Variants in ADGRD1 observed in about 807,000 individuals in gnomAD.
ADGRD1 encodes adhesion G protein-coupled receptor D1.
In ADGRD1, 77 loss-of-function variants were observed where a neutral mutation model predicts 113.4. That is an observed-to-expected ratio of 0.68 (90% CI 0.57 to 0.82). The LOEUF (loss-of-function observed/expected upper bound fraction) is 0.82, where lower values mean the gene tolerates loss of function less well. ADGRD1 is among the 40% of genes least tolerant of loss of function. ADGRD1 has a pLI of 0.00. For missense variants in ADGRD1, 1,036 were observed against 1,139.1 expected (o/e 0.91, Z 1.30); for synonymous variants, 474 against 475.0 (o/e 1.00, Z 0.03).
At position 131,003,867 on chromosome 12, in the gene ADGRD1, A is replaced by C. The variant is rs373510532; in HGVS notation, c.1145-319A>C. ...CTGCGCTTGGGGAGGAGCCGATGTC[A>C]CCGCATCGCTGAGCACAGCCCATCC... On this transcript the variant is annotated intron_variant, in intron 10 of 24. Coordinates refer to ENST00000261654, the MANE Select transcript of ADGRD1 (RefSeq NM_198827.5). This position sits in a 1 kb window ranked among gnomAD's most constrained non-coding sequence, Gnocchi z 4.8. Among the ~76,000 whole-genome samples the C allele has an allele frequency of 1.3e-5, 2 of 152,070 alleles. No homozygotes were observed. Among genetic ancestry groups the C allele is most frequent in the Admixed American group, 1.3e-4 (2 of 15,274 alleles).
At chr12:130,993,371 A>ATT (rs1874683544) in intron 8 of ADGRD1, among the ~76,000 whole-genome samples, 1 of 107,374 alleles carries the variant, frequency 9.3e-6, no homozygotes, top group South Asian at 2.9e-4. Context: ...GACTTCTCAG[A>ATT]TTTCATTCAT....
intron 20 of ADGRD1, 33 bp from the exon 21 acceptor site, chr12:131,131,692 C>T (rs1950932755): frequency 6.9e-7 from 1 of 1,440,142 alleles, no homozygotes; most frequent in Non-Finnish European, 9.8e-7. Flanking sequence ...CAGCCCAGGC[C>T]CCCCTCACCT....
intron 8 of ADGRD1, 97 bp downstream of exon 8, chr12:130,992,489 G>C: frequency 4.4e-6 from 5 of 1,126,854 alleles, no homozygotes; most frequent in Non-Finnish European, 5.1e-6. Flanking sequence ...TTTAAAAAAA[G>C]CAGGAACTTT....
intron 13 of ADGRD1, chr12:131,026,027 G>C (rs182602409): frequency 6.6e-6 from 1 of 152,290 alleles, no homozygotes; most frequent in Non-Finnish European, 1.5e-5. Context: ...CTGTGTCACT[G>C]TGCCCGGTTC....
In ADGRD1 at chr12:131,000,567, C is replaced by A. The variant is rs1392934047; in HGVS notation, c.1026+125C>A. 7.7e-6 allele frequency: 5 copies of A among 649,520 alleles called. No homozygotes were observed. The Admixed American group carries it at 1.1e-4, about 14-fold the overall frequency. 40.2% of individuals were successfully genotyped at this position (649,520 alleles called of 1,614,324 possible). A position where few individuals can be genotyped will look rare whatever the true frequency, so the allele number is the denominator to read the frequency against. ...ACCAGCCTGGCCAATGTGGCAAAAC[C>A]CCATCTCTACTAAAAATACAAAAAT... On this transcript the variant is annotated intron_variant, in intron 9 of 24. Coordinates refer to ENST00000261654, the MANE Select transcript of ADGRD1 (RefSeq NM_198827.5).
chr12:131,043,029 C>T (rs942495285), intron 13 of ADGRD1, among the ~76,000 whole-genome samples: 2 of 152,228 alleles, frequency 1.3e-5, no homozygotes, highest in Non-Finnish European at 2.9e-5. Context: ...CCCAGCCTGG[C>T]CCCTGTGGGC....
intron 15 of ADGRD1, among the ~76,000 whole-genome samples, chr12:131,095,943 C>G (rs1887249119): frequency 6.6e-6 from 1 of 152,090 alleles, no homozygotes; most frequent in African/African-American, 2.4e-5. Context: ...TGGGAAAATG[C>G]AAGAACACAG....
At chr12:131,094,879 T>G (rs1422901098) in intron 15 of ADGRD1, among the ~76,000 whole-genome samples, 1 of 152,212 alleles carries the variant, frequency 6.6e-6, no homozygotes. Context: ...TGCTGAGAGC[T>G]GGGCTGGGGA....
rs761121703 is a variant in ADGRD1 at position 131,138,170 on chromosome 12, T to C, written c.2470T>C (p.Trp824Arg). ...CGCCTTCAAGCACAAAACCAAGGTC[T>C]GGTCGCTCACGAGCAGCTCTGCCCG... ...RAAFKHKTKV[W>R]SLTSSSARTS... The change falls in exon 24 of 25, where the codon TGG (tryptophan) becomes CGG (arginine). Residue 824 changes from tryptophan (W) to arginine (R), a missense_variant. Transcript: ENST00000261654. 1 of 1,613,716 alleles carries C rather than the reference T, an allele frequency of 6.2e-7. No individual in the cohort carries two copies. The highest frequency in any genetic ancestry group is 8.5e-7 in the Non-Finnish European group (1 of 1,179,956).
At chr12:130,968,284 C>G (rs1871243011) in intron 3 of ADGRD1, 1 of 152,272 alleles carries the variant, frequency 6.6e-6, no homozygotes, top group African/African-American at 2.4e-5. Context: ...AATATATTGA[C>G]TTCCAGTAAA....
chr12:131,024,321 T>C (rs1298869189), intron 13 of ADGRD1: 1 of 152,316 alleles, frequency 6.6e-6, no homozygotes, highest in Non-Finnish European at 1.5e-5. Context: ...CTCCTCAGTG[T>C]GCTGGCTTTC....
chr12:131,085,254 G>T (rs994044183), intron 15 of ADGRD1, among the ~76,000 whole-genome samples: 1 of 152,178 alleles, frequency 6.6e-6, no homozygotes, highest in Non-Finnish European at 1.5e-5. Flanking sequence ...GTGAGGAGAG[G>T]TGTCTCCGGG....
At chr12:131,071,483 G>T (rs1885167351) in intron 13 of ADGRD1, among the ~76,000 whole-genome samples, 1 of 152,144 alleles carries the variant, frequency 6.6e-6, no homozygotes, top group South Asian at 2.1e-4. Context: ...TGTGAGTGGG[G>T]TGGAGTTAAG....
At chr12:131,061,024 G>C (rs946611651) in intron 13 of ADGRD1, among the ~76,000 whole-genome samples, 7 of 152,084 alleles carry the variant, frequency 4.6e-5, no homozygotes, top group Non-Finnish European at 1.0e-4. Context: ...CCCTGTGAAT[G>C]AGCTCAGGAT....
rs1227008358 is a variant in ADGRD1 at position 131,140,897 on chromosome 12, A to C, written c.*1634A>C. 1 of 152,328 alleles carries C rather than the reference A, an allele frequency of 6.6e-6. No individual in the cohort carries two copies. Among genetic ancestry groups the C allele is most frequent in the Non-Finnish European group, 1.5e-5 (1 of 68,118 alleles). 9.4% of individuals were successfully genotyped at this position (152,328 alleles called of 1,614,324 possible). On this transcript the variant is annotated 3_prime_UTR_variant, in exon 25 of 25. Transcript: ENST00000261654. ...ACGGGCCCTGCGTATGGCCCCTGCA[A>C]CCGTGCTCTGGCGGGCACACCTGGC...
chr12:131,006,054 C>T lies in ADGRD1; in HGVS notation c.1331+7C>T, dbSNP rs1566022421. ...TCTGGCCCGCCCACACCAAGTGAGT[C>T]TCGGGGGTGCTCAGCTCAGGGGCGT... On this transcript the variant is annotated splice_region_variant and intron_variant, in intron 12 of 24. Coordinates refer to ENST00000261654, the MANE Select transcript of ADGRD1 (RefSeq NM_198827.5). The T allele has an allele frequency of 3.7e-6, 6 of 1,611,872 alleles. No individual in the cohort carries two copies. Among genetic ancestry groups the T allele is most frequent in the Non-Finnish European group, 5.1e-6 (6 of 1,179,282 alleles).
intron 23 of ADGRD1, 74 bp downstream of exon 23, chr12:131,137,088 A>G (rs371065075): frequency 1.2e-4 from 140 of 1,174,826 alleles, no homozygotes; most frequent in Non-Finnish European, 1.8e-4. Context: ...AGGAGCAGGA[A>G]CAGCGCTGCC....
At chr12:131,118,349 G>T in intron 18 of ADGRD1, 36 bp from the exon 19 acceptor site, 1 of 1,541,492 alleles carries the variant, frequency 6.5e-7, no homozygotes, top group South Asian at 1.2e-5. Flanking sequence ...AAGAAAACTG[G>T]AGCAAGTGAA....
intron 13 of ADGRD1, among the ~76,000 whole-genome samples, chr12:131,052,324 C>G (rs1883479891): frequency 6.6e-6 from 1 of 152,202 alleles, no homozygotes; most frequent in African/African-American, 2.4e-5. Context: ...TGGGCACCTG[C>G]TGGCTTCCTG....
Sources: gnomAD v4.1 joint callset for allele counts (sites outside exome capture counted in the v4.1 genomes callset) on GRCh38, gnomAD v4.1.1 for gene constraint, Gnocchi (gnomAD v3.1) non-coding constraint, MANE v1.5 for transcripts, NCBI Gene and HGNC (gene_info 2026-07-23, HGNC 2026-07-21) for gene names.